The following SKAP1 variants were observed in gnomAD, a reference collection of about 807,000 sequenced individuals.
SKAP1 encodes the protein src kinase-associated phosphoprotein 1.
Under a neutral mutation model 58.5 loss-of-function variants are expected in SKAP1, and 44 were observed. The ratio of observed to expected loss-of-function variants is 0.75; its 90% CI spans 0.59 to 0.97. The LOEUF is 0.97. SKAP1 is among the 50% of genes least tolerant of loss of function. The probability of loss-of-function intolerance (pLI) is 0.00; values close to 1 mark genes in which losing one functional copy is unlikely to be tolerated. For missense variants in SKAP1, 390 were observed against 435.2 expected (o/e 0.90, Z 0.92); for synonymous variants, 127 against 149.7 (o/e 0.85, Z 1.11).
At chr17:48,362,740 A>G (rs1470802589) in intron 3 of SKAP1, among the ~76,000 whole-genome samples, 1 of 152,244 alleles carries the variant, frequency 6.6e-6, no homozygotes, top group Admixed American at 6.5e-5. Flanking sequence ...CTTGAAATAC[A>G]CTAAAAGCAT....
In SKAP1 at chr17:48,415,023, T is replaced by C. The variant is rs116035205; in HGVS notation, c.46+15052A>G. Among the ~76,000 whole-genome samples, 334 of 152,276 alleles carry C rather than the reference T, an allele frequency of 2.2e-3. 2 individuals carry two copies. The highest frequency in any genetic ancestry group is 7.4e-3 in the African/African-American group (309 of 41,558). ...CCTAGTACACTAAAAGCAAAAAATA[T>C]TTGTCTGTGTTCCCTAACAGTTGCA... On this transcript the variant is annotated intron_variant, in intron 1 of 12. Transcript: ENST00000336915.
intron 11 of SKAP1, among the ~76,000 whole-genome samples, chr17:48,150,755 C>T (rs1420116756): frequency 1.3e-5 from 2 of 152,200 alleles, no homozygotes; most frequent in South Asian, 4.1e-4. Context: ...CAAAGTAGAG[C>T]GAGCAAGCGT....
At chr17:48,201,043 AC>A (rs2064721157) in intron 4 of SKAP1, among the ~76,000 whole-genome samples, 1 of 152,138 alleles carries the variant, frequency 6.6e-6, no homozygotes, top group African/African-American at 2.4e-5. Flanking sequence ...TTTTTGTTCT[AC>A]TTTAATCTTA....
intron 4 of SKAP1, among the ~76,000 whole-genome samples, chr17:48,266,134 A>G (rs568596017): frequency 6.6e-6 from 1 of 152,118 alleles, no homozygotes; most frequent in South Asian, 2.1e-4. Flanking sequence ...ACCCACACCT[A>G]CACACACCCA....
At chr17:48,135,343 C>A (rs148698622) in intron 12 of SKAP1, among the ~76,000 whole-genome samples, 155 of 152,202 alleles carry the variant, frequency 1.0e-3, no homozygotes, top group African/African-American at 3.5e-3. Context: ...GTCTTGGGGG[C>A]CCTCCATCAG....
At chr17:48,371,744 G>T (rs1415827850) in intron 2 of SKAP1, among the ~76,000 whole-genome samples, 1 of 148,336 alleles carries the variant, frequency 6.7e-6, no homozygotes, top group Non-Finnish European at 1.5e-5. Flanking sequence ...GGCTGAAGTG[G>T]GAGGATCCCT....
intron 1 of SKAP1, among the ~76,000 whole-genome samples, chr17:48,424,478 G>A (rs1478998592): frequency 6.6e-6 from 1 of 150,950 alleles, no homozygotes; most frequent in Non-Finnish European, 1.5e-5. Flanking sequence ...GCCCACCTCA[G>A]CCTCCCAAAG....
intron 4 of SKAP1, among the ~76,000 whole-genome samples, chr17:48,274,054 G>C (rs922253139): frequency 6.6e-6 from 1 of 152,092 alleles, no homozygotes; most frequent in African/African-American, 2.4e-5. Flanking sequence ...CTCCTGAGTA[G>C]GTAGGTCAAT....
chr17:48,150,075 G>A (rs1459284810), intron 11 of SKAP1, among the ~76,000 whole-genome samples: 1 of 152,150 alleles, frequency 6.6e-6, no homozygotes, highest in East Asian at 1.9e-4. Flanking sequence ...AATTAGCAGC[G>A]ATTGAAATTA....
At chr17:48,301,032 T>C (rs1433342236) in intron 4 of SKAP1, among the ~76,000 whole-genome samples, 2 of 152,198 alleles carry the variant, frequency 1.3e-5, no homozygotes, top group African/African-American at 2.4e-5. Flanking sequence ...TCTTCTCTTT[T>C]AGACTGGTTC....
intron 4 of SKAP1, among the ~76,000 whole-genome samples, chr17:48,311,949 G>A (rs2066229394): frequency 6.6e-6 from 1 of 152,134 alleles, no homozygotes. Flanking sequence ...AATATGGGTA[G>A]GATTTCATCA....
chr17:48,245,938 G>A (rs1026211721), intron 4 of SKAP1, among the ~76,000 whole-genome samples: 10 of 152,146 alleles, frequency 6.6e-5, no homozygotes, highest in Non-Finnish European at 1.3e-4. Context: ...TTGTGCCACT[G>A]TACTCCAGCC....
chr17:48,385,460 A>T (rs2067263867), intron 2 of SKAP1, among the ~76,000 whole-genome samples: 1 of 152,188 alleles, frequency 6.6e-6, no homozygotes, highest in South Asian at 2.1e-4. Context: ...GGAAAAGCTA[A>T]ATTTAAGAAA....
chr17:48,248,530 G>C (rs2065323494), intron 4 of SKAP1, among the ~76,000 whole-genome samples: 1 of 152,144 alleles, frequency 6.6e-6, no homozygotes, highest in African/African-American at 2.4e-5. Flanking sequence ...TTGCGCCGCT[G>C]CACTCCAGCC....
chr17:48,362,661 G>T (rs2066951425), intron 3 of SKAP1, among the ~76,000 whole-genome samples: 2 of 152,164 alleles, frequency 1.3e-5, no homozygotes, highest in Non-Finnish European at 2.9e-5. Flanking sequence ...ACTTATGAGA[G>T]TCAAGAAGCT....
chr17:48,401,213 GA>G (rs2067495401), intron 1 of SKAP1, among the ~76,000 whole-genome samples: 1 of 151,874 alleles, frequency 6.6e-6, no homozygotes, highest in Admixed American at 6.6e-5. Flanking sequence ...GGCTGAGGCA[GA>G]ATAATTGTTT....
chr17:48,295,734 T>C (rs1186504455), intron 4 of SKAP1: 2 of 151,908 alleles, frequency 1.3e-5, no homozygotes, highest in East Asian at 1.9e-4. Context: ...CTTCTTTTCA[T>C]ACGTAATTCC....
intron 11 of SKAP1, among the ~76,000 whole-genome samples, chr17:48,154,756 T>A (rs1598372989): frequency 6.6e-6 from 1 of 152,012 alleles, no homozygotes; most frequent in African/African-American, 2.4e-5. Context: ...TTAAAAAAAA[T>A]GGGCGTTTAA....
chr17:48,210,548 G>C (rs1567822269), intron 4 of SKAP1, among the ~76,000 whole-genome samples: 1 of 152,098 alleles, frequency 6.6e-6, no homozygotes, highest in Non-Finnish European at 1.5e-5. Context: ...GAACAAGCAC[G>C]AGGGGCAAGA....
Sources: gnomAD v4.1 joint callset for allele counts (sites outside exome capture counted in the v4.1 genomes callset) on GRCh38, gnomAD v4.1.1 for gene constraint, MANE v1.5 for transcripts, NCBI Gene and HGNC (gene_info 2026-07-23, HGNC 2026-07-21) for gene names.